Variants in NARS2 observed in about 807,000 individuals in gnomAD.
NARS2 encodes the protein asparaginyl-tRNA synthetase.
In NARS2, 60 loss-of-function variants were observed where a neutral mutation model predicts 62.9. That is an observed-to-expected ratio of 0.95 (90% confidence interval 0.77 to 1.18). NARS2 has a LOEUF of 1.18. NARS2 is among the 50% of genes most tolerant of loss of function. The pLI, the probability that NARS2 is intolerant of heterozygous loss-of-function variation, is 0.00. For missense variants in NARS2, 619 were observed against 576.4 expected (o/e 1.07, Z -0.76); for synonymous variants, 196 against 200.0 (o/e 0.98, Z 0.17).
chr11:78,568,757 A>G lies in NARS2; in HGVS notation c.252-5T>C, dbSNP rs116319686. Reference sequence around the variant, plus strand: ...GAACTCCCAAAATTTAATTCTCTATAGTAACAAAAAACAAGATAAACAAGA... The same window carrying G: ...GAACTCCCAAAATTTAATTCTCTATGGTAACAAAAAACAAGATAAACAAGA... On this transcript the variant is annotated splice_region_variant and splice_polypyrimidine_tract_variant and intron_variant, in intron 2 of 13. Transcript: ENST00000281038. The G allele has an allele frequency of 2.0e-3, 3,124 of 1,587,676 alleles. 61 individuals carry two copies. The African/African-American group carries it at 0.039, about 20-fold the overall frequency.
chr11:78,501,873 C>G lies in NARS2; in HGVS notation c.690-8678G>C, dbSNP rs894637283. On this transcript the variant is annotated intron_variant, in intron 6 of 13. Coordinates refer to ENST00000281038, the MANE Select transcript of NARS2 (RefSeq NM_024678.6). ...GAAATAATAAAGACAGGTATTCAAA[C>G]AAAACTTTGTACATAAATGTTCATA... is the stretch of plus-strand genomic sequence containing the variant. Among the ~76,000 whole-genome samples, 6 of 152,036 alleles carry G rather than the reference C, an allele frequency of 3.9e-5. No individual in the cohort carries two copies. The East Asian group carries it at 9.7e-4, about 25-fold the overall frequency.
rs1217928171 is a variant in NARS2 at position 78,435,987 on chromosome 11, T to C, written c.*683A>G. 2.6e-5 allele frequency: 4 copies of C among 152,166 alleles called. No homozygotes were observed. The East Asian group carries it at 5.8e-4, about 22-fold the overall frequency. 9.4% of individuals were successfully genotyped at this position (152,166 alleles called of 1,614,324 possible). A position where few individuals can be genotyped will look rare whatever the true frequency, so the allele number is the denominator to read the frequency against. On this transcript the variant is annotated 3_prime_UTR_variant, in exon 14 of 14. Coordinates refer to ENST00000281038, the MANE Select transcript of NARS2 (RefSeq NM_024678.6). ...CATAGGTGTCTATTAAAAAAATCTA[T>C]TTTATTAGACAAATTATAAACATCA... is the stretch of plus-strand genomic sequence containing the variant.
chr11:78,487,602 A>C (rs111280026), intron 7 of NARS2, among the ~76,000 whole-genome samples: 12 of 152,306 alleles, frequency 7.9e-5, no homozygotes, highest in African/African-American at 2.9e-4. Context: ...CAAGGAGCTC[A>C]CTAAATCACA....
intron 5 of NARS2, among the ~76,000 whole-genome samples, chr11:78,541,768 A>G (rs114823228): frequency 0.012 from 1,818 of 152,318 alleles, 41 homozygotes; most frequent in African/African-American, 0.042. Flanking sequence ...TACAGTCTCC[A>G]AAGATTTGTG....
chr11:78,460,269 T>TG (rs1858343402), intron 11 of NARS2, among the ~76,000 whole-genome samples: 1 of 133,924 alleles, frequency 7.5e-6, no homozygotes, highest in African/African-American at 3.3e-5. Flanking sequence ...ATGATTGGGT[T>TG]AATTTTTTTT....
intron 5 of NARS2, among the ~76,000 whole-genome samples, chr11:78,551,379 G>A (rs1017331368): frequency 2.6e-5 from 4 of 152,180 alleles, no homozygotes; most frequent in African/African-American, 9.7e-5. Flanking sequence ...GTAAGCGTGT[G>A]TGTATGTAAA....
Position 78,568,617 on chromosome 11 carries a change from T to G in NARS2, c.372+15A>C, listed in dbSNP as rs375743837. The G allele has an allele frequency of 6.2e-6, 10 of 1,609,914 alleles. No homozygotes were observed. The highest frequency in any genetic ancestry group is 7.6e-6 in the Non-Finnish European group (9 of 1,177,870). On this transcript the variant is annotated intron_variant, in intron 3 of 13. Coordinates refer to ENST00000281038, the MANE Select transcript of NARS2 (RefSeq NM_024678.6). ...AAAGCCTAAACAGCCTCCACAAAAG[T>G]GTCAGAAATCATACCTTGGCATCAC... is the stretch of plus-strand genomic sequence containing the variant.
chr11:78,527,346 T>A (rs1861329722), intron 6 of NARS2, among the ~76,000 whole-genome samples: 1 of 152,212 alleles, frequency 6.6e-6, no homozygotes, highest in Non-Finnish European at 1.5e-5. Flanking sequence ...TTTTTTAAAT[T>A]ATAATTCCGT....
intron 6 of NARS2, among the ~76,000 whole-genome samples, chr11:78,517,696 A>G (rs1334337984): frequency 1.3e-5 from 2 of 152,212 alleles, no homozygotes; most frequent in African/African-American, 2.4e-5. Context: ...TCTACATTCT[A>G]TTTTAACCCA....
At chr11:78,515,292 T>G (rs530141164) in intron 6 of NARS2, among the ~76,000 whole-genome samples, 5 of 152,198 alleles carry the variant, frequency 3.3e-5, no homozygotes, top group Admixed American at 6.5e-5. Context: ...TCTAAAGCAT[T>G]GGTTCTCAGC....
chr11:78,531,791 C>T (rs896067982), intron 5 of NARS2, among the ~76,000 whole-genome samples: 1 of 151,964 alleles, frequency 6.6e-6, no homozygotes, highest in African/African-American at 2.4e-5. Context: ...ACTTAAAAGG[C>T]TATGTATGAT....
intron 6 of NARS2, among the ~76,000 whole-genome samples, chr11:78,525,486 ACAGTTTTAAG>A (rs1262591783): frequency 1.3e-5 from 2 of 152,162 alleles, no homozygotes; most frequent in Non-Finnish European, 2.9e-5. Context: ...AAAAACTAAA[ACAGTTTTAAG>A]CATCAAAGTA....
chr11:78,513,301 C>T (rs1023138152), intron 6 of NARS2, among the ~76,000 whole-genome samples: 35 of 151,474 alleles, frequency 2.3e-4, no homozygotes, highest in African/African-American at 8.0e-4. Context: ...CCTTATTGTG[C>T]AATCAAATAT....
At chr11:78,440,815 G>A (rs552045366) in intron 13 of NARS2, among the ~76,000 whole-genome samples, 2 of 152,348 alleles carry the variant, frequency 1.3e-5, no homozygotes, top group East Asian at 1.9e-4. Flanking sequence ...TTACAGGCGT[G>A]AGCCACTGCG....
intron 9 of NARS2, among the ~76,000 whole-genome samples, chr11:78,473,835 T>C (rs1858976233): frequency 6.6e-6 from 1 of 152,236 alleles, no homozygotes; most frequent in Non-Finnish European, 1.5e-5. Context: ...TGACCAGTTC[T>C]AGCTTTGTGT....
At chr11:78,437,373 G>C (rs1029710025) in intron 13 of NARS2, among the ~76,000 whole-genome samples, 1 of 152,154 alleles carries the variant, frequency 6.6e-6, no homozygotes, top group African/African-American at 2.4e-5. Context: ...ATGAAGTTTT[G>C]TTTGAAGGCA....
At chr11:78,549,201 C>T (rs1379391414) in intron 5 of NARS2, among the ~76,000 whole-genome samples, 1 of 152,188 alleles carries the variant, frequency 6.6e-6, no homozygotes, top group Non-Finnish European at 1.5e-5. Flanking sequence ...GCTTTTGCCC[C>T]AGATCCTGGG....
intron 1 of NARS2, chr11:78,573,078 G>C (rs1415423536): frequency 1.3e-5 from 2 of 151,992 alleles, no homozygotes; most frequent in African/African-American, 4.8e-5. Flanking sequence ...CCAATCAATA[G>C]ACCAACAGAC....
intron 5 of NARS2, among the ~76,000 whole-genome samples, chr11:78,542,865 A>G (rs572138988): frequency 5.3e-4 from 80 of 152,310 alleles, no homozygotes; most frequent in African/African-American, 1.8e-3. Context: ...CTGGCTCATC[A>G]CTGCACTCCC....
Sources: allele counts gnomAD v4.1 joint callset (sites outside exome capture counted in the v4.1 genomes callset), GRCh38; gene constraint gnomAD v4.1.1; transcripts MANE v1.5; gene names NCBI Gene and HGNC (gene_info 2026-07-23, HGNC 2026-07-21).